The following HS6ST3 variants were observed in gnomAD, a reference collection of about 807,000 sequenced individuals.
HS6ST3 encodes the protein heparan-sulfate 6-O-sulfotransferase 3.
Under a neutral mutation model 36.7 loss-of-function variants are expected in HS6ST3, and 12 were observed. That is an observed-to-expected ratio of 0.33 (90% CI 0.21 to 0.53). HS6ST3 has a LOEUF of 0.53. HS6ST3 is among the 20% of genes least tolerant of loss of function. HS6ST3 has a pLI of 0.95. For missense variants in HS6ST3, 584 were observed against 640.9 expected (o/e 0.91, Z 0.96); for synonymous variants, 240 against 257.5 (o/e 0.93, Z 0.65).
intron 1 of HS6ST3, among the ~76,000 whole-genome samples, chr13:96,250,747 G>A (rs1006202856): frequency 2.6e-5 from 4 of 152,216 alleles, no homozygotes; most frequent in Non-Finnish European, 4.4e-5. Context: ...ACTAGATACC[G>A]GCAGTACGTA....
intron 1 of HS6ST3, among the ~76,000 whole-genome samples, chr13:96,816,974 T>C (rs1878434216): frequency 6.6e-6 from 1 of 152,142 alleles, no homozygotes; most frequent in South Asian, 2.1e-4. Flanking sequence ...ATTCTACCCC[T>C]ATCTACTGGG....
intron 1 of HS6ST3, among the ~76,000 whole-genome samples, chr13:96,765,621 T>C (rs1877093257): frequency 6.6e-6 from 1 of 151,730 alleles, no homozygotes; most frequent in South Asian, 2.1e-4. Context: ...TCTCTCTCTC[T>C]CTCTCTCTGT....
chr13:96,555,860 G>A (rs2056238507), intron 1 of HS6ST3, among the ~76,000 whole-genome samples: 1 of 152,068 alleles, frequency 6.6e-6, no homozygotes, highest in South Asian at 2.1e-4. Flanking sequence ...GAAGCAAGAT[G>A]TGGAAGTCAA....
chr13:96,624,763 A>G (rs1286005148), intron 1 of HS6ST3, among the ~76,000 whole-genome samples: 2 of 152,222 alleles, frequency 1.3e-5, no homozygotes, highest in Non-Finnish European at 2.9e-5. Flanking sequence ...AGATTCACCC[A>G]TGATGGTGTG....
chr13:96,678,681 A>G (rs1454157938), intron 1 of HS6ST3, among the ~76,000 whole-genome samples: 4 of 147,840 alleles, frequency 2.7e-5, no homozygotes, highest in Non-Finnish European at 3.0e-5. Flanking sequence ...GACTCTATCT[A>G]AAAAAAAAAC....
intron 1 of HS6ST3, among the ~76,000 whole-genome samples, chr13:96,700,682 G>T (rs927934371): frequency 6.6e-6 from 1 of 152,124 alleles, no homozygotes; most frequent in African/African-American, 2.4e-5. Flanking sequence ...GTCACACTGT[G>T]TCTGGGTCTG....
chr13:96,367,213 C>T (rs762776790), intron 1 of HS6ST3, among the ~76,000 whole-genome samples: 14 of 152,014 alleles, frequency 9.2e-5, no homozygotes, highest in Non-Finnish European at 1.8e-4. Flanking sequence ...TTTTTGTAAA[C>T]GGAAAGCTGA....
At chr13:96,674,792 C>G (rs1280578924) in intron 1 of HS6ST3, among the ~76,000 whole-genome samples, 1 of 152,144 alleles carries the variant, frequency 6.6e-6, no homozygotes, top group African/African-American at 2.4e-5. Context: ...GTTCCTCCTC[C>G]TATGCGTCAT....
At chr13:96,554,029 C>T (rs1228049468) in intron 1 of HS6ST3, among the ~76,000 whole-genome samples, 1 of 152,138 alleles carries the variant, frequency 6.6e-6, no homozygotes, top group Middle Eastern at 3.2e-3. Flanking sequence ...GTAATGAATG[C>T]AGAAGACTGA....
chr13:96,261,984 AG>A (rs1385069682), intron 1 of HS6ST3, among the ~76,000 whole-genome samples: 1 of 152,224 alleles, frequency 6.6e-6, no homozygotes, highest in African/African-American at 2.4e-5. Flanking sequence ...AGGTACAATA[AG>A]AACCCTAGAA....
intron 1 of HS6ST3, among the ~76,000 whole-genome samples, chr13:96,408,916 T>G (rs1321317950): frequency 8.6e-5 from 13 of 151,766 alleles, no homozygotes; most frequent in Admixed American, 8.5e-4. Context: ...AGAGTGAGAC[T>G]CCGTCTCAAA....
intron 1 of HS6ST3, among the ~76,000 whole-genome samples, chr13:96,321,127 T>A (rs1296727984): frequency 2.0e-5 from 3 of 152,136 alleles, no homozygotes; most frequent in Non-Finnish European, 4.4e-5. Flanking sequence ...CTTTTTTTTT[T>A]TAAAAGAAGT....
chr13:96,575,452 C>T (rs1257860840), intron 1 of HS6ST3, among the ~76,000 whole-genome samples: 1 of 152,180 alleles, frequency 6.6e-6, no homozygotes, highest in Non-Finnish European at 1.5e-5. Flanking sequence ...GGAGAGTGAG[C>T]ATGCAGGGTC....
chr13:96,621,847 A>C (rs1424697393), intron 1 of HS6ST3, among the ~76,000 whole-genome samples: 6 of 152,236 alleles, frequency 3.9e-5, no homozygotes, highest in Non-Finnish European at 8.8e-5. Flanking sequence ...CACCATTGCA[A>C]CGAGGGAGAT....
chr13:96,408,332 CAT>C (rs1350621364), intron 1 of HS6ST3, among the ~76,000 whole-genome samples: 3 of 152,104 alleles, frequency 2.0e-5, no homozygotes, highest in Non-Finnish European at 4.4e-5. Context: ...TATAGTGCAA[CAT>C]ATGAGTCCAG....
At chr13:96,404,280 C>T (rs1735687730) in intron 1 of HS6ST3, among the ~76,000 whole-genome samples, 2 of 152,120 alleles carry the variant, frequency 1.3e-5, no homozygotes, top group Admixed American at 1.3e-4. Context: ...GGAGGATGTT[C>T]AGTGCCTTAT....
intron 1 of HS6ST3, among the ~76,000 whole-genome samples, chr13:96,677,369 A>G (rs941939070): frequency 1.3e-5 from 2 of 152,156 alleles, no homozygotes; most frequent in Admixed American, 6.5e-5. Flanking sequence ...GCCAGCAGAT[A>G]TGGTATCTGG....
chr13:96,399,111 C>T (rs1594771585), intron 1 of HS6ST3, among the ~76,000 whole-genome samples: 1 of 152,218 alleles, frequency 6.6e-6, no homozygotes, highest in South Asian at 2.1e-4. Context: ...ATTAGCTATG[C>T]AGCAATAGAT....
At chr13:96,808,289 C>T (rs1463723798) in intron 1 of HS6ST3, among the ~76,000 whole-genome samples, 1 of 152,278 alleles carries the variant, frequency 6.6e-6, no homozygotes, top group South Asian at 2.1e-4. Context: ...CACATCCTGA[C>T]CCCATTGTGG....
Sources: gnomAD v4.1 joint callset for allele counts (sites outside exome capture counted in the v4.1 genomes callset) on GRCh38, gnomAD v4.1.1 for gene constraint, MANE v1.5 for transcripts, NCBI Gene and HGNC (gene_info 2026-07-23, HGNC 2026-07-21) for gene names.